ELAVL4: variants seen among roughly 807,000 people sequenced by gnomAD.
ELAVL4 encodes ELAV like RNA binding protein 4, also known as ELAV-like protein 4.
In ELAVL4, 1 loss-of-function variant was observed where a neutral mutation model predicts 35.6. The ratio of observed to expected loss-of-function variants is 0.03; its 90% CI spans 0.01 to 0.13. The LOEUF is 0.13. ELAVL4 is among the 10% of genes least tolerant of loss of function. ELAVL4 has a pLI of 1.00. For missense variants in ELAVL4, 267 were observed against 464.9 expected (o/e 0.57, Z 3.91); for synonymous variants, 156 against 171.0 (o/e 0.91, Z 0.69).
chr1:50,090,288 C>A (rs933196270), intron 1 of ELAVL4, among the ~76,000 whole-genome samples: 8 of 152,180 alleles, frequency 5.3e-5, no homozygotes, highest in Admixed American at 3.3e-4. Flanking sequence ...CCCACCTCTC[C>A]TTTCTCCTAC....
At chr1:50,161,818 A>G (rs1376305511) in intron 2 of ELAVL4, among the ~76,000 whole-genome samples, 1 of 152,194 alleles carries the variant, frequency 6.6e-6, no homozygotes, top group East Asian at 1.9e-4. Context: ...TCCTCCTCCC[A>G]GGCCCAAGCA....
chr1:50,063,377 T>G (rs1664099778), intron 1 of ELAVL4, among the ~76,000 whole-genome samples: 1 of 152,186 alleles, frequency 6.6e-6, no homozygotes, highest in African/African-American at 2.4e-5. Flanking sequence ...TCCTGGTCAT[T>G]GTCTACTGTT....
chr1:50,076,323 A>G (rs1239407744), intron 1 of ELAVL4, among the ~76,000 whole-genome samples: 1 of 152,206 alleles, frequency 6.6e-6, no homozygotes, highest in Non-Finnish European at 1.5e-5. Flanking sequence ...TGCTACATAC[A>G]GTAAGATATT....
At chr1:50,135,667 C>A (rs1455681706) in intron 1 of ELAVL4, among the ~76,000 whole-genome samples, 1 of 152,162 alleles carries the variant, frequency 6.6e-6, no homozygotes, top group Non-Finnish European at 1.5e-5. Flanking sequence ...TACCACATAA[C>A]TTCCCAGAGT....
Position 50,145,116 on chromosome 1 carries a change from A to G in ELAVL4, c.169A>G (p.Met57Val). Residue 57 changes from methionine to valine, a missense_variant, in exon 2 of 7, where the codon ATG becomes GTG. Coordinates refer to ENST00000371824, the MANE Select transcript of ELAVL4 (RefSeq NM_001144774.3). Reference sequence around the variant, plus strand: ...CATCGTCAACTATTTACCCCAGAATATGACCCAAGAAGAATTCAGGAGTCT... The same window carrying G: ...CATCGTCAACTATTTACCCCAGAATGTGACCCAAGAAGAATTCAGGAGTCT... The part of the protein sequence containing the change: ...NLIVNYLPQN[M>V]TQEEFRSLFG... The G allele has an allele frequency of 1.9e-6, 3 of 1,614,046 alleles. No individual in the cohort carries two copies. The highest frequency in any genetic ancestry group is 1.7e-6 in the Non-Finnish European group (2 of 1,179,936).
At chr1:50,112,637 G>A (rs901989989) in intron 1 of ELAVL4, among the ~76,000 whole-genome samples, 1 of 152,108 alleles carries the variant, frequency 6.6e-6, no homozygotes, top group East Asian at 1.9e-4. Context: ...TAACATAGAT[G>A]AGGAAGTAGC....
intron 1 of ELAVL4, among the ~76,000 whole-genome samples, chr1:50,089,317 A>G (rs1665390910): frequency 6.6e-6 from 1 of 152,222 alleles, no homozygotes; most frequent in Admixed American, 6.5e-5. Context: ...TTAAAGATGT[A>G]AGGCATTGTT....
At chr1:50,128,239 C>T (rs1670275937) in intron 1 of ELAVL4, among the ~76,000 whole-genome samples, 1 of 152,092 alleles carries the variant, frequency 6.6e-6, no homozygotes, top group African/African-American at 2.4e-5. Context: ...TTGAAAACAG[C>T]CTCTTGGGAT....
intron 1 of ELAVL4, among the ~76,000 whole-genome samples, chr1:50,084,650 A>G (rs2148499485): frequency 6.6e-6 from 1 of 152,192 alleles, no homozygotes; most frequent in African/African-American, 2.4e-5. Context: ...GGAACAAGTC[A>G]AGAATGTTCT....
chr1:50,187,858 GGCTGAGACGA>G (rs1230302245), intron 3 of ELAVL4, among the ~76,000 whole-genome samples: 2 of 152,310 alleles, frequency 1.3e-5, no homozygotes, highest in Admixed American at 6.5e-5. Context: ...CACTTTGAGA[GGCTGAGACGA>G]GCAGATCATC....
intron 1 of ELAVL4, among the ~76,000 whole-genome samples, chr1:50,095,145 C>T (rs1174597767): frequency 6.6e-6 from 1 of 152,106 alleles, no homozygotes; most frequent in Non-Finnish European, 1.5e-5. Flanking sequence ...AGTGGAAGTG[C>T]TCAGGGACTT....
intron 1 of ELAVL4, among the ~76,000 whole-genome samples, chr1:50,074,563 C>T (rs1276188538): frequency 6.6e-6 from 1 of 151,698 alleles, no homozygotes; most frequent in African/African-American, 2.4e-5. Flanking sequence ...AGAAAGGGAC[C>T]CAGTCTGTTG....
At chr1:50,162,510 C>T (rs1676978125) in intron 2 of ELAVL4, among the ~76,000 whole-genome samples, 4 of 152,308 alleles carry the variant, frequency 2.6e-5, no homozygotes, top group Admixed American at 6.5e-5. Flanking sequence ...AGAATATACC[C>T]TCTGGAAATA....
rs565897086 is a variant in ELAVL4, at chr1:50,135,625, A to G, written c.10-9332A>G. Reference sequence around the variant, plus strand: ...TCAATAAACTTGTGTTGAATTGAATACACTTGTTTTAAGGATATGCTGAGA... The same window carrying G: ...TCAATAAACTTGTGTTGAATTGAATGCACTTGTTTTAAGGATATGCTGAGA... On this transcript the variant is annotated intron_variant, in intron 1 of 6. Coordinates refer to ENST00000371824, the MANE Select transcript of ELAVL4 (RefSeq NM_001144774.3). Among the ~76,000 whole-genome samples, 3 of 152,290 alleles carry G rather than the reference A, an allele frequency of 2.0e-5. No individual in the cohort carries two copies. The South Asian group carries it at 6.2e-4, about 32-fold the overall frequency.
At chr1:50,145,873 T>C (rs1187013787) in intron 2 of ELAVL4, among the ~76,000 whole-genome samples, 4 of 152,232 alleles carry the variant, frequency 2.6e-5, no homozygotes, top group Non-Finnish European at 4.4e-5. Context: ...GATTTTTAGG[T>C]TCTGATTTTC....
At chr1:50,133,542 T>C (rs1329856871) in intron 1 of ELAVL4, among the ~76,000 whole-genome samples, 2 of 149,124 alleles carry the variant, frequency 1.3e-5, no homozygotes, top group African/African-American at 5.0e-5. Flanking sequence ...GTTCTTTTTT[T>C]CTAACATTTA....
intron 1 of ELAVL4, among the ~76,000 whole-genome samples, chr1:50,120,609 G>C (rs1037761517): frequency 6.6e-6 from 1 of 151,974 alleles, no homozygotes; most frequent in African/African-American, 2.4e-5. Context: ...TTTCTCAGAA[G>C]TTGAAGTCAC....
At chr1:50,048,092 G>A (rs1663160947) in exon 1 of ELAVL4, 4 of 1,442,642 alleles carry the variant, frequency 2.8e-6, no homozygotes, top group South Asian at 2.8e-5. Flanking sequence ...AGACTCTGCG[G>A]ACGTCTTCCC....
intron 1 of ELAVL4, among the ~76,000 whole-genome samples, chr1:50,056,738 C>G (rs1457894058): frequency 6.6e-6 from 1 of 152,144 alleles, no homozygotes; most frequent in Non-Finnish European, 1.5e-5. Context: ...TCGAGACCAT[C>G]CTGGCTAACA....
Sources: gnomAD v4.1 joint callset for allele counts (sites outside exome capture counted in the v4.1 genomes callset) on GRCh38, gnomAD v4.1.1 for gene constraint, MANE v1.5 for transcripts, NCBI Gene and HGNC (gene_info 2026-07-23, HGNC 2026-07-21) for gene names.